CACNA1A: variants seen among roughly 807,000 people sequenced by gnomAD.
CACNA1A encodes the protein voltage-dependent P/Q-type calcium channel subunit alpha-1A.
A neutral mutation model predicts 262.4 loss-of-function variants in CACNA1A; 57 were observed. That is an observed-to-expected ratio of 0.22 (90% CI 0.18 to 0.27). CACNA1A has a LOEUF of 0.27. Among genes scored for constraint, CACNA1A ranks in the 10% least tolerant of loss-of-function variants. The pLI is 1.00. For missense variants in CACNA1A, 2,526 were observed against 3,562.8 expected, an observed-to-expected ratio of 0.71 and a Z score of 7.41; for synonymous variants, 1,431 against 1,419.3, an observed-to-expected ratio of 1.01 and a Z score of -0.18.
At chr19:13,295,138 C>T (rs2057636166) in intron 19 of CACNA1A, among the ~76,000 whole-genome samples, 1 of 152,228 alleles carries the variant, frequency 6.6e-6, no homozygotes, top group African/African-American at 2.4e-5. Flanking sequence ...TGTGACTGAA[C>T]TCACAGCATG....
At chr19:13,278,508 C>G (rs939745902) in intron 22 of CACNA1A, among the ~76,000 whole-genome samples, 1 of 152,178 alleles carries the variant, frequency 6.6e-6, no homozygotes, top group Non-Finnish European at 1.5e-5. Context: ...ATTCCATCTC[C>G]TGGTGCTTGA....
At chr19:13,273,671 CA>C (rs2057078321) in intron 24 of CACNA1A, 1 of 149,650 alleles carries the variant, frequency 6.7e-6, no homozygotes, top group African/African-American at 2.5e-5. Context: ...TTTTTGTACT[CA>C]TCACTATTAA....
chr19:13,456,682 A>T (rs896121747), intron 1 of CACNA1A, among the ~76,000 whole-genome samples: 1 of 152,138 alleles, frequency 6.6e-6, no homozygotes, highest in African/African-American at 2.4e-5. Context: ...TCAAAAAAAT[A>T]AAAAATAAAG....
intron 36 of CACNA1A, chr19:13,229,173 C>T (rs959878170): frequency 6.2e-6 from 1 of 162,468 alleles, no homozygotes. Context: ...AGACCCACGG[C>T]TCTCCCCAGC....
chr19:13,208,665 T>A, intron 46 of CACNA1A, 91 bp downstream of exon 46: 1 of 1,416,736 alleles, frequency 7.1e-7, no homozygotes, highest in South Asian at 1.4e-5. Context: ...CGGGGACCTT[T>A]GCCTAGAGTG....
intron 19 of CACNA1A, among the ~76,000 whole-genome samples, chr19:13,290,541 A>T (rs2057509616): frequency 6.6e-6 from 1 of 151,960 alleles, no homozygotes; most frequent in Non-Finnish European, 1.5e-5. Flanking sequence ...CACCCTGGGT[A>T]GCTGGGATTG....
chr19:13,501,543 C>G (rs1453340290), intron 1 of CACNA1A, among the ~76,000 whole-genome samples: 2 of 152,098 alleles, frequency 1.3e-5, no homozygotes, highest in African/African-American at 4.8e-5. Flanking sequence ...CCTGGATACT[C>G]CAACCCTAGC....
intron 22 of CACNA1A, among the ~76,000 whole-genome samples, chr19:13,281,631 T>C (rs990525822): frequency 6.6e-6 from 1 of 151,160 alleles, no homozygotes; most frequent in Non-Finnish European, 1.5e-5. Flanking sequence ...ACCAAAAATG[T>C]CTCCAGACAG....
In CACNA1A at chr19:13,207,783, C is replaced by T. The variant is rs1219577920; in HGVS notation, c.7051G>A (p.Gly2351Arg). 8.6e-6 allele frequency: 12 copies of T among 1,390,968 alleles called. No individual in the cohort carries two copies. In the East Asian group the frequency reaches 1.2e-4, roughly 14 times the overall value. The allele number at this position is 1,390,968 out of a possible 1,614,324, so 86.2% of individuals were successfully genotyped here. A position where few individuals can be genotyped will look rare whatever the true frequency, so the allele number is the denominator to read the frequency against. ...TGGCCCCCCGTGGGCGGCCGATCTC[C>T]GGCCAGAGGCTCGGCCGTGGGGCCT... ...YPGPTAEPLA[G>R]DRPPTGGHSS... Residue 2351 changes from glycine (G) to arginine (R), a missense_variant, in exon 47 of 47, where the codon GGA (glycine) becomes AGA (arginine). Physicochemically the swap from Gly to Arg is moderately radical, Grantham distance 125. This residue lies in a region of CACNA1A where 929 missense variants were observed against 868.1 expected (regional missense o/e 1.07). Coordinates refer to ENST00000360228, the MANE Select transcript of CACNA1A (RefSeq NM_001127222.2). The surrounding 1 kb of genome is among the most constrained non-coding windows in gnomAD (Gnocchi z 5.7).
chr19:13,385,293 G>A lies in CACNA1A; in HGVS notation c.540-13514C>T, dbSNP rs527606273. Among the ~76,000 whole-genome samples the A allele has an allele frequency of 3.2e-3, 468 of 148,492 alleles. 2 individuals are homozygous for A. The highest frequency in any genetic ancestry group is 0.011 in the African/African-American group (445 of 40,090). ...TGCCCAGGCTGGAGTGCAGTGGCAC[G>A]ATCTCGGCTTATTGCATCCTCCGCT... is the stretch of plus-strand genomic sequence containing the variant. On this transcript the variant is annotated intron_variant, in intron 3 of 46. Coordinates refer to ENST00000360228, the MANE Select transcript of CACNA1A (RefSeq NM_001127222.2).
chr19:13,450,062 A>T (rs1035891202), intron 3 of CACNA1A, among the ~76,000 whole-genome samples: 2 of 146,660 alleles, frequency 1.4e-5, no homozygotes, highest in African/African-American at 2.6e-5. Context: ...AATCACTTGA[A>T]ACTGGGAGGC....
intron 22 of CACNA1A, among the ~76,000 whole-genome samples, chr19:13,281,679 G>T (rs1032904893): frequency 6.6e-6 from 1 of 152,170 alleles, no homozygotes; most frequent in Non-Finnish European, 1.5e-5. Context: ...AGGCGGTGGG[G>T]GTGGGGGATC....
chr19:13,262,486 A>G, intron 25 of CACNA1A: 1 of 442,596 alleles, frequency 2.3e-6, no homozygotes, highest in East Asian at 3.8e-5. Context: ...CGAATTAGGA[A>G]AAAGGATCTT....
Position 13,506,165 on chromosome 19 carries a change from G to A in CACNA1A, c.60C>T (p.Ala20=), listed in dbSNP as rs1178571113. The change falls in exon 1 of 47, where the codon GCC becomes GCT. Residue 20 remains alanine, a synonymous_variant. Transcript: ENST00000360228. The part of the protein sequence containing the change: ...ARYGGGGSGA[A]AGVVVGSGGG... ...CTCCGCTGCCCACGACCACCCCGGC[G>A]GCTGCCCCGGAGCCTCCTCCCCCGT... is the stretch of plus-strand genomic sequence containing the variant. 1.9e-6 allele frequency: 3 copies of A among 1,542,890 alleles called. No individual in the cohort carries two copies. The highest frequency in any genetic ancestry group is 2.0e-5 in the Admixed American group (1 of 50,084).
chr19:13,395,339 C>G (rs2144670436), intron 3 of CACNA1A, among the ~76,000 whole-genome samples: 1 of 149,258 alleles, frequency 6.7e-6, no homozygotes, highest in South Asian at 2.1e-4. Flanking sequence ...GGCACAGTGG[C>G]TCATGCTGGG....
At chr19:13,334,278 C>T in intron 8 of CACNA1A, 100 bp downstream of exon 8, 1 of 731,764 alleles carries the variant, frequency 1.4e-6, no homozygotes, top group Non-Finnish European at 2.5e-6. Context: ...CTCCTCCCAT[C>T]ATAACCCTCC....
intron 19 of CACNA1A, among the ~76,000 whole-genome samples, chr19:13,292,533 G>A (rs2057566296): frequency 6.6e-6 from 1 of 152,070 alleles, no homozygotes; most frequent in South Asian, 2.1e-4. Flanking sequence ...AGAATCACCT[G>A]AGCTCAGGAA....
At chr19:13,427,960 T>C (rs2144812643) in intron 3 of CACNA1A, among the ~76,000 whole-genome samples, 1 of 151,778 alleles carries the variant, frequency 6.6e-6, no homozygotes, top group African/African-American at 2.4e-5. Context: ...TTTTTGTGTG[T>C]GTGACAGAGT....
At chr19:13,478,542 C>T (rs537273234) in intron 1 of CACNA1A, among the ~76,000 whole-genome samples, 1 of 152,228 alleles carries the variant, frequency 6.6e-6, no homozygotes, top group East Asian at 1.9e-4. Context: ...GTTTTGAACT[C>T]CTGGCCTCCA....
Sources: allele counts gnomAD v4.1 joint callset (sites outside exome capture counted in the v4.1 genomes callset), GRCh38; gene constraint gnomAD v4.1.1; regional missense constraint gnomAD v4.1.1; non-coding constraint Gnocchi (gnomAD v3.1); transcripts MANE v1.5; gene names NCBI Gene and HGNC (gene_info 2026-07-23, HGNC 2026-07-21).